The following LSAMP variants were observed in gnomAD, a reference collection of about 807,000 sequenced individuals.
LSAMP encodes limbic system-associated membrane protein.
A neutral mutation model predicts 38.6 loss-of-function variants in LSAMP; 7 were observed. The observed-to-expected ratio is 0.18, with a 90% confidence interval of 0.10 to 0.34. LSAMP has a LOEUF of 0.34. Among genes scored for constraint, LSAMP ranks in the 10% least tolerant of loss-of-function variants. LSAMP has a pLI of 1.00. For missense variants in LSAMP, 313 were observed against 420.0 expected, an observed-to-expected ratio of 0.75 and a Z score of 2.23; for synonymous variants, 154 against 166.8, an observed-to-expected ratio of 0.92 and a Z score of 0.59.
At chr3:115,951,630 G>A (rs1938291738) in intron 3 of LSAMP, among the ~76,000 whole-genome samples, 1 of 152,158 alleles carries the variant, frequency 6.6e-6, no homozygotes, top group East Asian at 1.9e-4. Context: ...AGTGTGGCCA[G>A]AATAAAAGCA....
chr3:115,973,460 C>A (rs1472190514), intron 3 of LSAMP, among the ~76,000 whole-genome samples: 1 of 152,122 alleles, frequency 6.6e-6, no homozygotes, highest in African/African-American at 2.4e-5. Flanking sequence ...TGGCCAGGCG[C>A]GGTGGCTCAC....
intron 1 of LSAMP, among the ~76,000 whole-genome samples, chr3:116,209,271 G>C (rs967810086): frequency 1.3e-4 from 20 of 152,042 alleles, no homozygotes; most frequent in Non-Finnish European, 2.6e-4. Context: ...CGCACGGTGC[G>C]CGCACCCACT....
At chr3:116,442,687 T>A (rs9822445) in intron 1 of LSAMP, among the ~76,000 whole-genome samples, 81,218 of 152,030 alleles carry the variant, frequency 0.53, 24,615 homozygotes, top group East Asian at 0.72. Flanking sequence ...AGGTGAGGTC[T>A]GGAAAAGAAA....
At chr3:116,086,018 T>G (rs1323747723) in intron 2 of LSAMP, among the ~76,000 whole-genome samples, 7 of 152,206 alleles carry the variant, frequency 4.6e-5, no homozygotes, top group Non-Finnish European at 8.8e-5. Flanking sequence ...AGGCATTCTG[T>G]GTGTTCTGGT....
intron 1 of LSAMP, among the ~76,000 whole-genome samples, chr3:116,210,064 A>AT (rs2046135174): frequency 6.6e-6 from 1 of 152,008 alleles, no homozygotes; most frequent in Non-Finnish European, 1.5e-5. Context: ...GAGATTTTAT[A>AT]TTTTTTTAAT....
intron 3 of LSAMP, among the ~76,000 whole-genome samples, chr3:115,962,337 T>C (rs1336778164): frequency 6.6e-6 from 1 of 152,194 alleles, no homozygotes; most frequent in African/African-American, 2.4e-5. Context: ...AGTATGATAG[T>C]ACTTTATACA....
At position 116,445,086 on chromosome 3, in the gene LSAMP, T is replaced by C. The variant is rs2049492320; in HGVS notation, c.-55A>G. ...GGTGCTCTGGAGGGGTGCGCGCTGCTCGCGAGGAGAGGCTTCACCAACACG... is the reference window on the plus strand; with the variant it reads ...GGTGCTCTGGAGGGGTGCGCGCTGCCCGCGAGGAGAGGCTTCACCAACACG... On this transcript the variant is annotated 5_prime_UTR_variant, in exon 1 of 7. Coordinates refer to ENST00000490035, the MANE Select transcript of LSAMP (RefSeq NM_002338.5). 2 of 1,552,640 alleles carry C rather than the reference T, an allele frequency of 1.3e-6. No homozygotes were observed. The highest frequency in any genetic ancestry group is 1.7e-6 in the Non-Finnish European group (2 of 1,144,610).
chr3:116,203,636 G>A (rs2046022587), intron 1 of LSAMP, among the ~76,000 whole-genome samples: 1 of 147,580 alleles, frequency 6.8e-6, no homozygotes, highest in South Asian at 2.1e-4. Flanking sequence ...ACCTATGAGT[G>A]AGAATATGCG....
At chr3:115,984,144 A>T (rs1452700405) in intron 3 of LSAMP, among the ~76,000 whole-genome samples, 1 of 152,154 alleles carries the variant, frequency 6.6e-6, no homozygotes, top group Non-Finnish European at 1.5e-5. Flanking sequence ...CAAGCTGGGT[A>T]TGGGGAGCAA....
chr3:115,940,323 G>GGGTCAATTTTACAGAGCACTGATT, intron 3 of LSAMP, among the ~76,000 whole-genome samples: 1 of 151,324 alleles, frequency 6.6e-6, no homozygotes, highest in African/African-American at 2.4e-5. Flanking sequence ...TCCTACTGAT[G>GGGTCAATTTTACAGAGCACTGATT]GGTCCATTTT....
chr3:116,289,703 T>C (rs1335060956), intron 1 of LSAMP, among the ~76,000 whole-genome samples: 1 of 152,208 alleles, frequency 6.6e-6, no homozygotes, highest in Non-Finnish European at 1.5e-5. Context: ...ATAGTCACTT[T>C]GTGGCACATT....
chr3:115,883,536 A>T (rs1936375596), intron 3 of LSAMP, among the ~76,000 whole-genome samples: 1 of 152,008 alleles, frequency 6.6e-6, no homozygotes, highest in African/African-American at 2.4e-5. Flanking sequence ...ACTGGAAGGG[A>T]TGGGCATATT....
In LSAMP at chr3:116,164,689, A is replaced by AAT. The variant is rs1296477491; in HGVS notation, c.156-78135_156-78134dup. 2.3e-4 allele frequency among the ~76,000 whole-genome samples: 19 copies of AAT among 84,342 alleles called. 1 individual carries two copies. The highest frequency in any genetic ancestry group is 7.7e-4 in the African/African-American group (18 of 23,388). 55.3% of individuals were successfully genotyped at this position (84,342 alleles called of 152,430 possible). On this transcript the variant is annotated intron_variant, in intron 1 of 6. Transcript: ENST00000490035. The stretch of plus-strand genomic sequence containing the variant: ...AATCCAAATATATATATATAATCCA[A>AAT]ATATATATATATATAATCCAAATAT...
intron 6 of LSAMP, among the ~76,000 whole-genome samples, chr3:115,813,994 A>C (rs904902629): frequency 6.6e-6 from 1 of 152,234 alleles, no homozygotes; most frequent in Non-Finnish European, 1.5e-5. Context: ...TGTCTTTTTC[A>C]TATAACAGAC....
chr3:116,388,986 G>A (rs2048659294), intron 1 of LSAMP, among the ~76,000 whole-genome samples: 1 of 152,070 alleles, frequency 6.6e-6, no homozygotes, highest in South Asian at 2.1e-4. Flanking sequence ...GAAAGAGGAG[G>A]TGCAATTGCA....
intron 2 of LSAMP, among the ~76,000 whole-genome samples, chr3:116,058,356 T>G (rs1435617804): frequency 6.6e-6 from 1 of 151,988 alleles, no homozygotes; most frequent in Non-Finnish European, 1.5e-5. Flanking sequence ...AGATGGAATG[T>G]GAGATATCCA....
chr3:116,203,329 G>A (rs1178516819), intron 1 of LSAMP, among the ~76,000 whole-genome samples: 1 of 151,948 alleles, frequency 6.6e-6, no homozygotes, highest in African/African-American at 2.4e-5. Flanking sequence ...AATATATATA[G>A]AATTTGATTA....
At chr3:116,382,009 A>T (rs928623145) in intron 1 of LSAMP, among the ~76,000 whole-genome samples, 1 of 152,170 alleles carries the variant, frequency 6.6e-6, no homozygotes, top group South Asian at 2.1e-4. Context: ...ACATAAAAAG[A>T]ACATATAGCT....
At chr3:116,309,493 C>T (rs1318689557) in intron 1 of LSAMP, among the ~76,000 whole-genome samples, 1 of 152,058 alleles carries the variant, frequency 6.6e-6, no homozygotes, top group Non-Finnish European at 1.5e-5. Flanking sequence ...ATTTAAATAG[C>T]TACATTTGGC....
Sources: allele counts gnomAD v4.1 joint callset (sites outside exome capture counted in the v4.1 genomes callset), GRCh38; gene constraint gnomAD v4.1.1; transcripts MANE v1.5; gene names NCBI Gene and HGNC (gene_info 2026-07-23, HGNC 2026-07-21).